The following COQ4 variants were observed in gnomAD, a reference collection of about 807,000 sequenced individuals.
COQ4 encodes the protein coenzyme Q4.
In COQ4, 36 loss-of-function variants were observed where a neutral mutation model predicts 30.2. The ratio of observed to expected loss-of-function variants is 1.19; its 90% CI spans 0.91 to 1.57. The LOEUF is 1.57. Among genes scored for constraint, COQ4 ranks in the 40% most tolerant of loss-of-function variants. The pLI is 0.00. For missense variants in COQ4, 369 were observed against 371.9 expected (o/e 0.99, Z 0.07); for synonymous variants, 197 against 161.0 (o/e 1.22, Z -1.69).
At chr9:128,328,081 C>A (rs1384942696) in intron 4 of COQ4, among the ~76,000 whole-genome samples, 2 of 152,182 alleles carry the variant, frequency 1.3e-5, no homozygotes, top group Non-Finnish European at 2.9e-5. Context: ...GGGCAAAGGC[C>A]CCTTGTGTTT....
chr9:128,325,572 T>G (rs1487444056), intron 3 of COQ4, among the ~76,000 whole-genome samples: 2 of 152,220 alleles, frequency 1.3e-5, no homozygotes, highest in African/African-American at 2.4e-5. Flanking sequence ...ACTGTCTTCC[T>G]GCCGAGATTG....
chr9:128,332,657 C>G lies in COQ4; in HGVS notation c.533-193C>G, dbSNP rs758083850. ...CCAGGCTTCCTTTCCATCCCCTACT[C>G]CCTTCTGTTCACTCTTGGGCTCTCT... On this transcript the variant is annotated intron_variant, in intron 5 of 6. Transcript: ENST00000300452. 3.1e-5 allele frequency: 19 copies of G among 611,626 alleles called. No individual in the cohort carries two copies. In the Admixed American group the frequency reaches 5.4e-4, roughly 17 times the overall value. The allele number at this position is 611,626 out of a possible 1,614,324, so 37.9% of individuals were successfully genotyped here.
At chr9:128,332,355 C>T (rs372175686) in intron 5 of COQ4, 73 bp downstream of exon 5, 10 of 1,529,798 alleles carry the variant, frequency 6.5e-6, no homozygotes, top group Middle Eastern at 2.3e-4. Flanking sequence ...TGCCTATCTC[C>T]ACCACCCTCT....
chr9:128,326,135 G>A, intron 4 of COQ4: 1 of 573,822 alleles, frequency 1.7e-6, no homozygotes, highest in South Asian at 2.2e-5. Context: ...TGATCTTGCT[G>A]AATCCCCCCA....
At chr9:128,331,986 C>T (rs749909650) in intron 4 of COQ4, 167 bp from the exon 5 acceptor site, 3 of 703,336 alleles carry the variant, frequency 4.3e-6, no homozygotes, top group Non-Finnish European at 6.9e-6. Context: ...ACCTTAGCCT[C>T]CCAAAGTGCT....
At chr9:128,326,720 G>A (rs1832328008) in intron 4 of COQ4, among the ~76,000 whole-genome samples, 1 of 152,126 alleles carries the variant, frequency 6.6e-6, no homozygotes, top group African/African-American at 2.4e-5. Context: ...TGGGATTACA[G>A]GCGTGAGCCA....
intron 4 of COQ4, among the ~76,000 whole-genome samples, chr9:128,329,779 T>A (rs925832822): frequency 6.6e-6 from 1 of 152,204 alleles, no homozygotes; most frequent in African/African-American, 2.4e-5. Flanking sequence ...ACCTGGTGGA[T>A]ACTCTATGAT....
intron 4 of COQ4, among the ~76,000 whole-genome samples, chr9:128,330,229 C>T (rs1436229795): frequency 6.6e-6 from 1 of 150,802 alleles, no homozygotes; most frequent in Non-Finnish European, 1.5e-5. Context: ...AAAAATTAGC[C>T]GGGTGTAGTG....
chr9:128,328,630 G>A (rs1384731526), intron 4 of COQ4, among the ~76,000 whole-genome samples: 2 of 152,178 alleles, frequency 1.3e-5, no homozygotes, highest in Admixed American at 6.5e-5. Context: ...GAGAACCACT[G>A]CTCTGAATGG....
rs200656927 is a variant in COQ4 at position 128,332,125 on chromosome 9, G to T, written c.403-28G>T. ...TCGGGCCCTGGGAACCATCAGGAAG[G>T]GTTCTAGGGGAGGCTCATGGTTGTC... On this transcript the variant is annotated intron_variant, in intron 4 of 6. Coordinates refer to ENST00000300452, the MANE Select transcript of COQ4 (RefSeq NM_016035.5). 5.3e-4 allele frequency: 824 copies of T among 1,551,666 alleles called. 13 individuals are homozygous for T. In the East Asian group the frequency reaches 0.014, roughly 26 times the overall value.
Position 128,323,039 on chromosome 9 carries a change from G to T in COQ4, c.94G>T (p.Asp32Tyr). ...AAEMPLRARS[D>Y]GAGPLYSHHL... is the part of the protein sequence containing the mutation. ...AGAAATGCCCCTCCGGGCTAGGAGC[G>T]ACGGCGCCGGCCCGCTATACTCGCA... Residue 32 changes from aspartate (D) to tyrosine (Y), a missense_variant, in exon 2 of 7, where the codon GAC becomes TAC. Physicochemically the swap from Asp to Tyr is radical, Grantham distance 160. Coordinates refer to ENST00000300452, the MANE Select transcript of COQ4 (RefSeq NM_016035.5). The T allele has an allele frequency of 6.2e-7, 1 of 1,612,000 alleles. No individual in the cohort carries two copies. The highest frequency in any genetic ancestry group is 8.5e-7 in the Non-Finnish European group (1 of 1,179,782).
intron 2 of COQ4, chr9:128,323,465 G>C (rs1832253377): frequency 4.3e-6 from 2 of 463,822 alleles, no homozygotes; most frequent in South Asian, 4.8e-5. Flanking sequence ...TATCCTACTA[G>C]AAAGTCAACT....
rs1340160924 is a variant in COQ4, at chr9:128,333,530, G to A, written c.683G>A (p.Arg228Lys). The change falls in exon 7 of 7, where the codon AGA (arginine) becomes AAA (lysine). Residue 228 changes from arginine (R) to lysine (K), a missense_variant. Arg to Lys is a conservative substitution (Grantham distance 26). Transcript: ENST00000300452. The stretch of plus-strand genomic sequence containing the variant: ...CCATGGGCCGTTCAGAACGGGCGCA[G>A]AGCCCCATGTGTCCTCAACCTGTAC... Reference protein sequence around the residue: ...LIPWAVQNGRRAPCVLNLYYE... With the variant: ...LIPWAVQNGRKAPCVLNLYYE... 6.2e-7 allele frequency: 1 copy of A among 1,603,264 alleles called. No individual in the cohort carries two copies. The highest frequency in any genetic ancestry group is 8.5e-7 in the Non-Finnish European group (1 of 1,175,468).
At chr9:128,333,406 A>G (rs1832446814) in intron 6 of COQ4, 68 bp from the exon 7 acceptor site, 2 of 1,376,772 alleles carry the variant, frequency 1.5e-6, no homozygotes, top group Non-Finnish European at 1.9e-6. Flanking sequence ...GAAAATGCAC[A>G]AGTGCCGAGC....
chr9:128,324,846 G>T (rs770996846), intron 2 of COQ4, among the ~76,000 whole-genome samples: 3 of 152,198 alleles, frequency 2.0e-5, no homozygotes, highest in Non-Finnish European at 4.4e-5. Context: ...TGATGCCTAA[G>T]CCTCTACCAA....
At position 128,333,338 on chromosome 9, in the gene COQ4, A is replaced by G. The variant is rs150878434; in HGVS notation, c.627-136A>G. 27 of 731,002 alleles carry G rather than the reference A, an allele frequency of 3.7e-5. No homozygotes were observed. In the East Asian group the frequency reaches 7.1e-4, roughly 19 times the overall value. The allele number at this position is 731,002 out of a possible 1,614,324, so 45.3% of individuals were successfully genotyped here. A position where few individuals can be genotyped will look rare whatever the true frequency, so the allele number is the denominator to read the frequency against. ...CCACCTCACTGAGCTCTGTTGCCTC[A>G]TCTAAAAAGCAGGGATAATAACTAC... On this transcript the variant is annotated intron_variant, in intron 6 of 6. Coordinates refer to ENST00000300452, the MANE Select transcript of COQ4 (RefSeq NM_016035.5).
intron 2 of COQ4, chr9:128,323,427 T>C (rs1832252329): frequency 1.9e-6 from 1 of 520,880 alleles, no homozygotes; most frequent in African/African-American, 2.0e-5. Flanking sequence ...ACTAAATAGA[T>C]GATTCATAAG....
rs1459561186 is a variant in COQ4 at position 128,332,231 on chromosome 9, G to A, written c.481G>A (p.Glu161Lys). 6.2e-7 allele frequency: 1 copy of A among 1,613,266 alleles called. No homozygotes were observed. The highest frequency in any genetic ancestry group is 1.1e-5 in the South Asian group (1 of 90,818). ...AGCGTATGTGATTCAGCGGTACCGG[G>A]AGGTGCACGACATGCTTCACACCCT... is the stretch of plus-strand genomic sequence containing the variant. ...ELAYVIQRYR[E>K]VHDMLHTLLG... The change falls in exon 5 of 7, where the codon GAG becomes AAG. Residue 161 changes from glutamate to lysine, a missense_variant. By Grantham distance (56) the Glu-to-Lys change is moderately conservative. Transcript: ENST00000300452.
chr9:128,331,381 C>T (rs1019760686), intron 4 of COQ4: 4 of 151,720 alleles, frequency 2.6e-5, no homozygotes, highest in Non-Finnish European at 4.4e-5. Flanking sequence ...ATAACATGAA[C>T]CCACTTGGTC....
Sources: gnomAD v4.1 joint callset for allele counts (sites outside exome capture counted in the v4.1 genomes callset) on GRCh38, gnomAD v4.1.1 for gene constraint, MANE v1.5 for transcripts, NCBI Gene and HGNC (gene_info 2026-07-23, HGNC 2026-07-21) for gene names.